The following CDH4 variants were observed in gnomAD, a reference collection of about 807,000 sequenced individuals.
The protein encoded by CDH4 is cadherin 4.
In CDH4, 33 loss-of-function variants were observed where a neutral mutation model predicts 86.0. That is an observed-to-expected ratio of 0.38 (90% CI 0.29 to 0.51). The LOEUF is 0.51. Among genes scored for constraint, CDH4 ranks in the 20% least tolerant of loss-of-function variants. The probability of loss-of-function intolerance (pLI) is 0.86; values close to 1 mark genes in which losing one functional copy is unlikely to be tolerated. For missense variants in CDH4, 1,114 were observed against 1,307.4 expected, an observed-to-expected ratio of 0.85 and a Z score of 2.28; for synonymous variants, 555 against 549.4, an observed-to-expected ratio of 1.01 and a Z score of -0.14.
chr20:61,372,452 G>A (rs2084846190), intron 2 of CDH4, among the ~76,000 whole-genome samples: 1 of 152,212 alleles, frequency 6.6e-6, no homozygotes. Flanking sequence ...CTGCCTGCAG[G>A]TCCCCATGGC....
At chr20:61,337,902 G>A (rs1023319276) in intron 2 of CDH4, among the ~76,000 whole-genome samples, 1 of 152,068 alleles carries the variant, frequency 6.6e-6, no homozygotes, top group East Asian at 1.9e-4. Context: ...TTCTGCCCTG[G>A]GGTTTTTAGT....
At chr20:61,336,061 T>C (rs2084615361) in intron 2 of CDH4, among the ~76,000 whole-genome samples, 1 of 152,158 alleles carries the variant, frequency 6.6e-6, no homozygotes, top group Non-Finnish European at 1.5e-5. Flanking sequence ...TTCGATACTG[T>C]GGGGGAGAAG....
chr20:61,283,469 G>A lies in CDH4; in HGVS notation c.169+28532G>A, dbSNP rs1360338220. On this transcript the variant is annotated intron_variant, in intron 2 of 15. Coordinates refer to ENST00000614565, the MANE Select transcript of CDH4 (RefSeq NM_001794.5). ...GTGTGATGTGTGTGCGTTTGCACGC[G>A]TGTGCTGTGGTGTGTGATGTAGGTG... Among the ~76,000 whole-genome samples the A allele has an allele frequency of 5.1e-4, 71 of 138,690 alleles. 12 individuals carry two copies. Among genetic ancestry groups the A allele is most frequent in the Non-Finnish European group, 9.0e-4 (56 of 62,450 alleles). The allele number at this position is 138,690 out of a possible 152,430, so 91.0% of individuals were successfully genotyped here.
intron 6 of CDH4, among the ~76,000 whole-genome samples, chr20:61,863,947 G>A (rs1184531746): frequency 3.9e-5 from 1 of 25,788 alleles, no homozygotes; most frequent in Non-Finnish European, 3.2e-3. Flanking sequence ...TAGCCCTTGG[G>A]CGGGTGGACT....
At chr20:61,828,243 G>A (rs1568837447) in intron 4 of CDH4, among the ~76,000 whole-genome samples, 1 of 152,142 alleles carries the variant, frequency 6.6e-6, no homozygotes, top group African/African-American at 2.4e-5. Context: ...CCAAGAAAAA[G>A]AGAGAAAACA....
chr20:61,426,864 T>A (rs576368196), intron 2 of CDH4, among the ~76,000 whole-genome samples: 1 of 152,380 alleles, frequency 6.6e-6, no homozygotes, highest in African/African-American at 2.4e-5. Flanking sequence ...AATGAAGATG[T>A]TCTTCTAGAT....
chr20:61,307,179 C>T (rs2084421835), intron 2 of CDH4, among the ~76,000 whole-genome samples: 1 of 152,146 alleles, frequency 6.6e-6, no homozygotes, highest in African/African-American at 2.4e-5. Context: ...CTGCTGAGGT[C>T]GGGGATGCAA....
At chr20:61,878,309 G>A (rs555211223) in intron 7 of CDH4, among the ~76,000 whole-genome samples, 21 of 152,216 alleles carry the variant, frequency 1.4e-4, no homozygotes, top group Admixed American at 9.1e-4. Flanking sequence ...TGCAGCCCCC[G>A]GCTGGAAGGT....
chr20:61,720,249 A>G (rs2088020155), intron 2 of CDH4, among the ~76,000 whole-genome samples: 1 of 152,156 alleles, frequency 6.6e-6, no homozygotes, highest in Admixed American at 6.5e-5. Flanking sequence ...TGCAGCAGCC[A>G]GGTTTAGTTC....
At chr20:61,652,938 A>ATTTATTTTTTTTTT (rs1555819716) in intron 2 of CDH4, among the ~76,000 whole-genome samples, 1 of 97,400 alleles carries the variant, frequency 1.0e-5, no homozygotes, top group African/African-American at 3.4e-5. Flanking sequence ...TTATTTATTT[A>ATTTATTTTTTTTTT]TTTTTTTTTT....
In CDH4 at chr20:61,619,293, G is replaced by A. The variant is rs534816101; in HGVS notation, c.170-124270G>A. Among the ~76,000 whole-genome samples the A allele has an allele frequency of 1.1e-4, 17 of 152,176 alleles. 1 individual carries two copies. The highest frequency in any genetic ancestry group is 2.1e-4 in the South Asian group (1 of 4,814). On this transcript the variant is annotated intron_variant, in intron 2 of 15. Coordinates refer to ENST00000614565, the MANE Select transcript of CDH4 (RefSeq NM_001794.5). ...TCCCTCCCGCCTCTCTTCCACCTCC[G>A]CGTGCCCCCCACTCCTTCACCTCTG...
intron 4 of CDH4, among the ~76,000 whole-genome samples, chr20:61,827,282 G>A (rs896226953): frequency 3.3e-5 from 5 of 152,204 alleles, no homozygotes; most frequent in Admixed American, 2.0e-4. Context: ...ATTATTTTAA[G>A]TGACTTTAAG....
chr20:61,508,822 T>C (rs2085759752), intron 2 of CDH4, among the ~76,000 whole-genome samples: 1 of 152,200 alleles, frequency 6.6e-6, no homozygotes, highest in African/African-American at 2.4e-5. Context: ...AAAATGATGC[T>C]AACTTCCCGC....
At chr20:61,342,748 G>A (rs916619296) in intron 2 of CDH4, among the ~76,000 whole-genome samples, 1 of 152,242 alleles carries the variant, frequency 6.6e-6, no homozygotes, top group Non-Finnish European at 1.5e-5. Context: ...GATCCACACA[G>A]ACCCTCTTCT....
intron 2 of CDH4, among the ~76,000 whole-genome samples, chr20:61,610,616 G>A (rs2086677957): frequency 6.6e-6 from 1 of 152,192 alleles, no homozygotes; most frequent in Non-Finnish European, 1.5e-5. Context: ...GTTCCCTGCA[G>A]CAGCATATGA....
At chr20:61,696,312 G>A (rs544891750) in intron 2 of CDH4, among the ~76,000 whole-genome samples, 1 of 152,352 alleles carries the variant, frequency 6.6e-6, no homozygotes, top group East Asian at 1.9e-4. Context: ...CAGGGCCTGG[G>A]GCCCAGATGT....
chr20:61,769,328 G>T (rs2088745858), intron 3 of CDH4, among the ~76,000 whole-genome samples: 1 of 152,212 alleles, frequency 6.6e-6, no homozygotes, highest in African/African-American at 2.4e-5. Flanking sequence ...ACAGGGCACT[G>T]AGCTGCTGGT....
chr20:61,777,763 C>CA (rs1311760646), intron 4 of CDH4, among the ~76,000 whole-genome samples: 14 of 150,528 alleles, frequency 9.3e-5, no homozygotes, highest in Middle Eastern at 3.3e-3. Flanking sequence ...TGCGCACACA[C>CA]GTGCATACAA....
At chr20:61,340,465 C>T (rs2084644112) in intron 2 of CDH4, among the ~76,000 whole-genome samples, 1 of 152,214 alleles carries the variant, frequency 6.6e-6, no homozygotes, top group Admixed American at 6.5e-5. Context: ...GAGGTGGCAA[C>T]TTGGACTTTC....
Sources: allele counts gnomAD v4.1 joint callset (sites outside exome capture counted in the v4.1 genomes callset), GRCh38; gene constraint gnomAD v4.1.1; transcripts MANE v1.5; gene names NCBI Gene and HGNC (gene_info 2026-07-23, HGNC 2026-07-21).